Variants in KCTD8 observed in about 807,000 individuals in gnomAD.
The protein encoded by KCTD8 is BTB/POZ domain-containing protein KCTD8.
KCTD8 carries 27 observed loss-of-function variants against 31.5 expected under a neutral mutation model. The ratio of observed to expected loss-of-function variants is 0.86; its 90% confidence interval spans 0.63 to 1.18. The LOEUF (loss-of-function observed/expected upper bound fraction) is 1.18, where lower values mean the gene tolerates loss of function less well. Among genes scored for constraint, KCTD8 ranks in the 50% most tolerant of loss-of-function variants. The pLI is 0.00. For missense variants in KCTD8, 658 were observed against 647.7 expected, an observed-to-expected ratio of 1.02 and a Z score of -0.17; for synonymous variants, 290 against 280.0, an observed-to-expected ratio of 1.04 and a Z score of -0.36.
At chr4:44,256,581 A>T (rs1192374246) in intron 1 of KCTD8, among the ~76,000 whole-genome samples, 2 of 151,914 alleles carry the variant, frequency 1.3e-5, no homozygotes, top group Admixed American at 6.6e-5. Flanking sequence ...TTGGGAAATA[A>T]GAGATTTTGT....
chr4:44,415,076 T>C (rs948126323), intron 1 of KCTD8, among the ~76,000 whole-genome samples: 4 of 152,114 alleles, frequency 2.6e-5, no homozygotes, highest in Non-Finnish European at 5.9e-5. Context: ...GAGAAAGTTA[T>C]TGGGAAGTGA....
chr4:44,235,525 TTATATATATATA>T (rs752341720), intron 1 of KCTD8, among the ~76,000 whole-genome samples: 1,153 of 55,002 alleles, frequency 0.021, 34 homozygotes, highest in Middle Eastern at 0.049. Flanking sequence ...AGACACTGGA[TTATATATATATA>T]TATATATATA....
At chr4:44,223,405 G>A (rs144715771) in intron 1 of KCTD8, among the ~76,000 whole-genome samples, 1 of 152,266 alleles carries the variant, frequency 6.6e-6, no homozygotes, top group Non-Finnish European at 1.5e-5. Flanking sequence ...GTTTATCAGA[G>A]TCACAAACAT....
chr4:44,260,897 G>C (rs191955439), intron 1 of KCTD8, among the ~76,000 whole-genome samples: 16 of 152,074 alleles, frequency 1.1e-4, no homozygotes, highest in Non-Finnish European at 2.1e-4. Context: ...GTTGCTGTGT[G>C]ATAAACAGAC....
At chr4:44,274,774 T>A (rs1184157162) in intron 1 of KCTD8, among the ~76,000 whole-genome samples, 1 of 151,812 alleles carries the variant, frequency 6.6e-6, no homozygotes, top group Non-Finnish European at 1.5e-5. Context: ...ATACATTGTA[T>A]CTTCTTTCTA....
chr4:44,423,896 G>A (rs1661268531), intron 1 of KCTD8, among the ~76,000 whole-genome samples: 1 of 152,058 alleles, frequency 6.6e-6, no homozygotes, highest in Admixed American at 6.6e-5. Context: ...TTATTCATGT[G>A]ACTTGATTCT....
chr4:44,176,155 T>C (rs185399468), intron 1 of KCTD8, among the ~76,000 whole-genome samples: 142 of 152,350 alleles, frequency 9.3e-4, no homozygotes, highest in African/African-American at 3.4e-3. Flanking sequence ...TTCAGAGATC[T>C]AAATTACTCA....
intron 1 of KCTD8, among the ~76,000 whole-genome samples, chr4:44,211,058 T>A (rs1216967633): frequency 2.0e-5 from 3 of 152,198 alleles, no homozygotes; most frequent in African/African-American, 7.2e-5. Context: ...ACCAGTTCTG[T>A]TTATCCTTAA....
chr4:44,183,949 C>T (rs563479524), intron 1 of KCTD8, among the ~76,000 whole-genome samples: 8 of 152,256 alleles, frequency 5.3e-5, no homozygotes, highest in South Asian at 2.1e-4. Context: ...TAGCACCACA[C>T]GCTTCTAAAT....
At chr4:44,305,497 C>T (rs1382713691) in intron 1 of KCTD8, among the ~76,000 whole-genome samples, 2 of 151,420 alleles carry the variant, frequency 1.3e-5, no homozygotes, top group Non-Finnish European at 2.9e-5. Context: ...ATTAAACAAA[C>T]TCACCAGGAT....
intron 1 of KCTD8, among the ~76,000 whole-genome samples, chr4:44,283,831 T>C (rs1243937803): frequency 6.6e-6 from 1 of 152,026 alleles, no homozygotes; most frequent in Non-Finnish European, 1.5e-5. Flanking sequence ...TGTACATCAA[T>C]AACAGACAAA....
intron 1 of KCTD8, among the ~76,000 whole-genome samples, chr4:44,283,343 C>T (rs993034506): frequency 1.3e-5 from 2 of 152,038 alleles, no homozygotes; most frequent in African/African-American, 4.8e-5. Flanking sequence ...AGACACCATG[C>T]CTGGCCCAGA....
intron 1 of KCTD8, among the ~76,000 whole-genome samples, chr4:44,291,960 GAAAAAA>G (rs571458412): frequency 1.6e-4 from 14 of 88,432 alleles, no homozygotes; most frequent in African/African-American, 5.1e-4. Context: ...TGGCTATTAT[GAAAAAA>G]AAAAAAAAAA....
intron 1 of KCTD8, among the ~76,000 whole-genome samples, chr4:44,228,108 C>A (rs1715015886): frequency 6.6e-6 from 1 of 152,176 alleles, no homozygotes; most frequent in Admixed American, 6.5e-5. Context: ...ACATCACTCT[C>A]CCCTTATCAG....
chr4:44,395,660 A>G (rs1017619248), intron 1 of KCTD8, among the ~76,000 whole-genome samples: 2 of 152,138 alleles, frequency 1.3e-5, no homozygotes, highest in Non-Finnish European at 2.9e-5. Flanking sequence ...GATTATGCCC[A>G]CAGTCCCCTT....
At chr4:44,283,471 T>C (rs1183565966) in intron 1 of KCTD8, among the ~76,000 whole-genome samples, 2 of 152,072 alleles carry the variant, frequency 1.3e-5, no homozygotes, top group African/African-American at 4.8e-5. Flanking sequence ...CTTGTTAGGG[T>C]CTAATGCAGC....
intron 1 of KCTD8, among the ~76,000 whole-genome samples, chr4:44,346,372 A>C (rs1024126484): frequency 2.6e-5 from 4 of 152,082 alleles, no homozygotes; most frequent in Admixed American, 6.6e-5. Flanking sequence ...TCACATTCTT[A>C]TATTCTGGAG....
At chr4:44,227,768 C>G (rs1459136784) in intron 1 of KCTD8, among the ~76,000 whole-genome samples, 3 of 152,134 alleles carry the variant, frequency 2.0e-5, no homozygotes, top group Non-Finnish European at 2.9e-5. Flanking sequence ...TTTCCTTTCC[C>G]TCACTCTTAA....
intron 1 of KCTD8, among the ~76,000 whole-genome samples, chr4:44,385,390 T>A (rs1720183536): frequency 6.6e-6 from 1 of 151,654 alleles, no homozygotes; most frequent in South Asian, 2.1e-4. Context: ...AGCCTAGAAA[T>A]AAACCCTTAC....
Sources: allele counts gnomAD v4.1 joint callset (sites outside exome capture counted in the v4.1 genomes callset), GRCh38; gene constraint gnomAD v4.1.1; transcripts MANE v1.5; gene names NCBI Gene and HGNC (gene_info 2026-07-23, HGNC 2026-07-21).